Variants in WDR82 observed in about 807,000 individuals in gnomAD.
WDR82 encodes the protein WD repeat domain 82.
A neutral mutation model predicts 36.1 loss-of-function variants in WDR82; 8 were observed. That is an observed-to-expected ratio of 0.22 (90% CI 0.13 to 0.40). The LOEUF (loss-of-function observed/expected upper bound fraction) is 0.40. Among genes scored for constraint, WDR82 ranks in the 10% least tolerant of loss-of-function variants. WDR82 has a pLI of 1.00. For synonymous variants in WDR82, 129 were observed against 137.8 expected (o/e 0.94, Z 0.45); for missense variants, 185 against 400.5 (o/e 0.46, Z 4.59).
intron 1 of WDR82, 43 bp downstream of exon 1, chr3:52,278,157 AG>A: frequency 6.6e-7 from 1 of 1,522,904 alleles, no homozygotes; most frequent in Non-Finnish European, 8.9e-7. Context: ...GGGCCACCGG[AG>A]GGAGGCACTG....
At chr3:52,277,625 C>T (rs975302273) in intron 1 of WDR82, among the ~76,000 whole-genome samples, 1 of 152,166 alleles carries the variant, frequency 6.6e-6, no homozygotes, top group African/African-American at 2.4e-5. Context: ...GAAGAAAAAG[C>T]AAGGGGGCTC....
At chr3:52,262,988 C>A (rs956552934) in intron 3 of WDR82, among the ~76,000 whole-genome samples, 10 of 152,080 alleles carry the variant, frequency 6.6e-5, no homozygotes, top group African/African-American at 2.4e-4. Context: ...ATTAGCCAGG[C>A]CTGGTGGCGT....
At chr3:52,265,741 A>C (rs868601608) in intron 3 of WDR82, among the ~76,000 whole-genome samples, 14 of 152,000 alleles carry the variant, frequency 9.2e-5, no homozygotes, top group Middle Eastern at 3.4e-3. Flanking sequence ...ACTCCTGGCT[A>C]ATTTTTGTAT....
chr3:52,259,920 C>A, intron 5 of WDR82, 48 bp from the exon 6 acceptor site: 1 of 1,570,584 alleles, frequency 6.4e-7, no homozygotes, highest in Non-Finnish European at 8.6e-7. Flanking sequence ...ATAATTTCTT[C>A]TGCTAGAGCC....
intron 3 of WDR82, among the ~76,000 whole-genome samples, chr3:52,261,828 TGTAAAAATG>T (rs1700064342): frequency 6.6e-6 from 1 of 152,100 alleles, no homozygotes. Flanking sequence ...CTAATGGAAA[TGTAAAAATG>T]GTACAGTTGC....
At position 52,259,399 on chromosome 3, in the gene WDR82, A is replaced by T. The variant is rs1257132432; in HGVS notation, c.700-133T>A. Reference sequence around the variant, plus strand: ...TTTCCTTGTCATGTACTACACCACCAAGCTTCCAAATGTGGTTGCCATCGT... The same window carrying T: ...TTTCCTTGTCATGTACTACACCACCTAGCTTCCAAATGTGGTTGCCATCGT... On this transcript the variant is annotated intron_variant, in intron 6 of 8. Transcript: ENST00000296490. 4 of 911,512 alleles carry T rather than the reference A, an allele frequency of 4.4e-6. No homozygotes were observed. The East Asian group carries it at 1.0e-4, about 24-fold the overall frequency. 56.5% of individuals were successfully genotyped at this position (911,512 alleles called of 1,614,324 possible).
At chr3:52,258,502 CCTGAGTAG>C in intron 8 of WDR82, 26 bp downstream of exon 8, 1 of 1,612,160 alleles carries the variant, frequency 6.2e-7, no homozygotes, top group Non-Finnish European at 8.5e-7. Flanking sequence ...GGGAAGGGTC[CCTGAGTAG>C]CAGATACCTC....
intron 2 of WDR82, among the ~76,000 whole-genome samples, chr3:52,268,858 G>A (rs1345260978): frequency 2.0e-5 from 3 of 151,996 alleles, no homozygotes; most frequent in African/African-American, 4.8e-5. Context: ...ATGGAGCCTC[G>A]CTCTGTCACC....
chr3:52,257,584 C>T, intron 8 of WDR82, 65 bp from the exon 9 acceptor site: 1 of 1,605,260 alleles, frequency 6.2e-7, no homozygotes, highest in Non-Finnish European at 8.5e-7. Flanking sequence ...CGGTTCTTCA[C>T]ATCCCACCCC....
intron 6 of WDR82, 104 bp from the exon 7 acceptor site, chr3:52,259,370 A>G (rs772008448): frequency 5.2e-5 from 61 of 1,181,580 alleles, no homozygotes; most frequent in Non-Finnish European, 7.4e-5. Context: ...TTTCCATGAA[A>G]CCCTTTCCTT....
At chr3:52,259,340 C>G (rs1700039746) in intron 6 of WDR82, 74 bp from the exon 7 acceptor site, 2 of 1,368,994 alleles carry the variant, frequency 1.5e-6, no homozygotes, top group South Asian at 1.2e-5. Context: ...AACACTGACT[C>G]AGCACATGCA....
Position 52,266,966 on chromosome 3 carries a change from A to T in WDR82, c.312T>A (p.Pro104=). The T allele has an allele frequency of 6.2e-7, 1 of 1,611,316 alleles. No homozygotes were observed. Among genetic ancestry groups the T allele is most frequent in the Non-Finnish European group, 8.5e-7 (1 of 1,178,192 alleles). ...GTGGGTCTTACCTTTTGCTATGTCC[A>T]GGAAAGTATCTGATGTATTTGTTGT... ...LHDNKYIRYF[P]GHSKRVVALS... is the part of the protein sequence containing the mutation. Residue 104 remains proline, a synonymous_variant, in exon 3 of 9, where the codon CCT becomes CCA. Transcript: ENST00000296490.
chr3:52,259,880 A>G lies in WDR82; in HGVS notation c.544-8T>C, dbSNP rs1700045493. ...AAAGGTAGCAAATGGCCCCTGCAAA[A>G]GATAAAAAACAGTAGCCCCAGGCAT... On this transcript the variant is annotated splice_polypyrimidine_tract_variant and splice_region_variant and intron_variant, in intron 5 of 8. Transcript: ENST00000296490. 1 of 1,610,444 alleles carries G rather than the reference A, an allele frequency of 6.2e-7. No individual in the cohort carries two copies. The highest frequency in any genetic ancestry group is 8.5e-7 in the Non-Finnish European group (1 of 1,178,258).
At chr3:52,265,106 C>CTG (rs1177994876) in intron 3 of WDR82, among the ~76,000 whole-genome samples, 1 of 151,750 alleles carries the variant, frequency 6.6e-6, no homozygotes, top group African/African-American at 2.4e-5. Flanking sequence ...AGGGACCATC[C>CTG]TGGGTAACAC....
At chr3:52,266,301 G>A (rs952674727) in intron 3 of WDR82, among the ~76,000 whole-genome samples, 1 of 151,938 alleles carries the variant, frequency 6.6e-6, no homozygotes, top group Non-Finnish European at 1.5e-5. Flanking sequence ...ATTCCTAAAT[G>A]CCAAATCTAA....
intron 2 of WDR82, chr3:52,268,476 T>C (rs1700125603): frequency 5.6e-6 from 2 of 356,710 alleles, no homozygotes; most frequent in Admixed American, 3.2e-5. Flanking sequence ...GTGCCACACA[T>C]TTGCCTCATC....
At chr3:52,274,417 T>G (rs1201237687) in intron 1 of WDR82, among the ~76,000 whole-genome samples, 3 of 152,056 alleles carry the variant, frequency 2.0e-5, no homozygotes, top group East Asian at 1.9e-4. Context: ...AAAATAAAAA[T>G]AGCCAAGTAA....
chr3:52,278,437 G>A lies in WDR82; in HGVS notation c.-76C>T. The A allele has an allele frequency of 1.7e-6, 2 of 1,155,574 alleles. No individual in the cohort carries two copies. The highest frequency in any genetic ancestry group is 1.1e-6 in the Non-Finnish European group (1 of 935,688). The allele number at this position is 1,155,574 out of a possible 1,614,324, so 71.6% of individuals were successfully genotyped here. ...CGGCGAGCGGGCGGGCTGCCGAGGG[G>A]CCAACCCAGGCGGGGCGGGCGCCGC... is the stretch of plus-strand genomic sequence containing the variant. On this transcript the variant is annotated 5_prime_UTR_variant, in exon 1 of 9. Transcript: ENST00000296490.
At chr3:52,267,161 T>G (rs944949883) in intron 2 of WDR82, 143 bp from the exon 3 acceptor site, 10 of 581,346 alleles carry the variant, frequency 1.7e-5, no homozygotes, top group Non-Finnish European at 2.7e-5. Context: ...GGTGAATAAT[T>G]CTACTCTGCA....
Sources: gnomAD v4.1 joint callset for allele counts (sites outside exome capture counted in the v4.1 genomes callset) on GRCh38, gnomAD v4.1.1 for gene constraint, MANE v1.5 for transcripts, NCBI Gene and HGNC (gene_info 2026-07-23, HGNC 2026-07-21) for gene names.